Variants in MYT1 observed in about 807,000 individuals in gnomAD.
The protein encoded by MYT1 is myelin transcription factor I.
MYT1 carries 23 observed loss-of-function variants against 123.0 expected under a neutral mutation model. The ratio of observed to expected loss-of-function variants is 0.19; its 90% CI spans 0.13 to 0.26. MYT1 has a LOEUF of 0.26. Ranked by LOEUF, MYT1 falls within the 10% of genes least tolerant of loss-of-function variation. The probability of loss-of-function intolerance (pLI) is 1.00; values close to 1 mark genes in which losing one functional copy is unlikely to be tolerated. For synonymous variants in MYT1, 518 were observed against 575.3 expected (o/e 0.90, Z 1.43); for missense variants, 1,125 against 1,472.5 (o/e 0.76, Z 3.86).
chr20:64,170,898 G>GAGAC (rs1982251577), intron 1 of MYT1, among the ~76,000 whole-genome samples: 6 of 98,244 alleles, frequency 6.1e-5, no homozygotes, highest in Non-Finnish European at 1.2e-4. Flanking sequence ...GAGAGAGAGA[G>GAGAC]AGAGAGAGAG....
intron 1 of MYT1, among the ~76,000 whole-genome samples, chr20:64,180,642 A>G (rs1434580888): frequency 6.6e-6 from 1 of 152,252 alleles, no homozygotes; most frequent in East Asian, 1.9e-4. Context: ...TGGGGTTCAC[A>G]GGGTGTGGGC....
In MYT1 at chr20:64,202,599, G is replaced by GAGGGAAGGC. The variant is rs200633123; in HGVS notation, c.87-2424_87-2416dup. Among the ~76,000 whole-genome samples, 1,105 of 152,252 alleles carry GAGGGAAGGC rather than the reference G, an allele frequency of 7.3e-3. 10 individuals are homozygous for GAGGGAAGGC. The highest frequency in any genetic ancestry group is 0.025 in the African/African-American group (1,039 of 41,538). On this transcript the variant is annotated intron_variant, in intron 4 of 22. Coordinates refer to ENST00000328439, the MANE Select transcript of MYT1 (RefSeq NM_004535.3). This position sits in a 1 kb window ranked among gnomAD's most constrained non-coding sequence, Gnocchi z 5.0. The stretch of plus-strand genomic sequence containing the variant: ...ACCCAGATGACTGCCCCAGGAGAGG[G>GAGGGAAGGC]AGGGAAGGCAGGGAAGGCAGTGTCT...
rs1405793351 is a variant in MYT1, at chr20:64,202,238, C to G, written c.86+2316C>G. The stretch of plus-strand genomic sequence containing the variant: ...AGCTGAGGAGAGGTTGGACTTGGAT[C>G]GAGCAGGACCCTGAGCTGCTATTTC... On this transcript the variant is annotated intron_variant, in intron 4 of 22. Coordinates refer to ENST00000328439, the MANE Select transcript of MYT1 (RefSeq NM_004535.3). This position sits in a 1 kb window ranked among gnomAD's most constrained non-coding sequence, Gnocchi z 5.0. Among the ~76,000 whole-genome samples the G allele has an allele frequency of 1.3e-5, 2 of 152,198 alleles. No individual in the cohort carries two copies. Among genetic ancestry groups the G allele is most frequent in the South Asian group, 2.1e-4 (1 of 4,830 alleles).
In MYT1 at chr20:64,166,766, T is replaced by C. The variant is rs1982095447; in HGVS notation, c.-99+2027T>C. Reference sequence around the variant, plus strand: ...TCTCTGAGATGACCCCTTCTAGCCATGTGGGATGCAAAGTTGCTCTGGTCT... The same window carrying C: ...TCTCTGAGATGACCCCTTCTAGCCACGTGGGATGCAAAGTTGCTCTGGTCT... On this transcript the variant is annotated intron_variant, in intron 1 of 22. Coordinates refer to ENST00000328439, the MANE Select transcript of MYT1 (RefSeq NM_004535.3). The surrounding 1 kb of genome is among the most constrained non-coding windows in gnomAD (Gnocchi z 4.9). Among the ~76,000 whole-genome samples the C allele has an allele frequency of 6.6e-6, 1 of 152,136 alleles. No individual in the cohort carries two copies. Among genetic ancestry groups the C allele is most frequent in the South Asian group, 2.1e-4 (1 of 4,820 alleles).
intron 19 of MYT1, among the ~76,000 whole-genome samples, chr20:64,235,968 T>G (rs577299069): frequency 3.6e-4 from 49 of 137,202 alleles, no homozygotes; most frequent in African/African-American, 1.2e-3. Flanking sequence ...TGGGTGACCC[T>G]GGGATGGCCG....
chr20:64,232,381 C>T lies in MYT1; in HGVS notation c.2893C>T (p.Arg965Trp), dbSNP rs760641300. 1.9e-6 allele frequency: 3 copies of T among 1,612,752 alleles called. No individual in the cohort carries two copies. Among genetic ancestry groups the T allele is most frequent in the Non-Finnish European group, 1.7e-6 (2 of 1,179,888 alleles). Residue 965 changes from arginine to tryptophan, a missense_variant, in exon 19 of 23, where the codon CGG (arginine) becomes TGG (tryptophan). Physicochemically the swap from Arg to Trp is moderately radical, Grantham distance 101 (BLOSUM62 -3). This residue lies in a region of MYT1 where 243 missense variants were observed against 323.1 expected (regional missense o/e 0.75). Transcript: ENST00000328439. This position sits in a 1 kb window ranked among gnomAD's most constrained non-coding sequence, Gnocchi z 6.9. Reference protein sequence around the residue: ...GHANGSFLTHRSLSGCPRATF... With the variant: ...GHANGSFLTHWSLSGCPRATF... Reference sequence around the variant, plus strand: ...CGCCAATGGGAGTTTCCTCACCCACCGGAGGTAACTGTGCCTGCAGGTCCT... The same window carrying T: ...CGCCAATGGGAGTTTCCTCACCCACTGGAGGTAACTGTGCCTGCAGGTCCT...
At chr20:64,187,045 G>T (rs1445324826) in intron 1 of MYT1, among the ~76,000 whole-genome samples, 1 of 147,516 alleles carries the variant, frequency 6.8e-6, no homozygotes. Flanking sequence ...CGTGGCCCCG[G>T]CATCCACGTT....
At chr20:64,214,926 T>C (rs3003142) in intron 10 of MYT1, among the ~76,000 whole-genome samples, 94,279 of 152,002 alleles carry the variant, frequency 0.62, 31,307 homozygotes, top group African/African-American at 0.84. Flanking sequence ...TGCTCCAGAG[T>C]GTTCCTCTGA....
intron 8 of MYT1, among the ~76,000 whole-genome samples, chr20:64,211,843 C>T (rs1359076415): frequency 1.3e-5 from 2 of 151,996 alleles, no homozygotes; most frequent in Admixed American, 6.5e-5. Flanking sequence ...GGGGGCATGC[C>T]CTGACCAGGC....
At chr20:64,179,231 G>A (rs1010797870) in intron 1 of MYT1, among the ~76,000 whole-genome samples, 19 of 136,988 alleles carry the variant, frequency 1.4e-4, no homozygotes, top group South Asian at 4.9e-4. Context: ...TCGGTGGGAT[G>A]CCCTTCAACG....
chr20:64,198,871 G>A lies in MYT1; in HGVS notation c.10G>A (p.Glu4Lys). MSL[E>K]NEDKRARTRS... is the part of the protein sequence containing the mutation. ...GGTTTTTTGCTTGCAGATGAGCTTA[G>A]AAAATGAAGACAAGCGAGCTCGCAC... The change falls in exon 3 of 23, where the codon GAA (glutamate) becomes AAA (lysine). Residue 4 changes from glutamate (E) to lysine (K), a missense_variant. Glu to Lys is a moderately conservative substitution (Grantham distance 56). Coordinates refer to ENST00000328439, the MANE Select transcript of MYT1 (RefSeq NM_004535.3). 1 of 1,614,176 alleles carries A rather than the reference G, an allele frequency of 6.2e-7. No homozygotes were observed. The highest frequency in any genetic ancestry group is 8.5e-7 in the Non-Finnish European group (1 of 1,180,026).
chr20:64,195,364 GT>G, intron 2 of MYT1, among the ~76,000 whole-genome samples: 1 of 94,026 alleles, frequency 1.1e-5, no homozygotes, highest in Non-Finnish European at 2.1e-5. Flanking sequence ...CTGTGTGTGT[GT>G]GTGTGTGTGT....
intron 7 of MYT1, among the ~76,000 whole-genome samples, chr20:64,209,197 G>T (rs1318045053): frequency 1.3e-5 from 2 of 152,080 alleles, no homozygotes; most frequent in Non-Finnish European, 2.9e-5. Context: ...GACGAATCCT[G>T]AGTAAACGGT....
In MYT1 at chr20:64,211,334, C is replaced by T; in HGVS notation, c.1420C>T (p.Pro474Ser). 3 of 1,612,856 alleles carry T rather than the reference C, an allele frequency of 1.9e-6. No homozygotes were observed. The highest frequency in any genetic ancestry group is 2.5e-6 in the Non-Finnish European group (3 of 1,179,122). ...SGCPHKDRIP[P>S]EILAMHENVL... ...CTGTCCCCACAAGGATAGGATCCCCCCAGAGAGTGAGTAGCTCTGTGCAGC... is the reference window on the plus strand; with the variant it reads ...CTGTCCCCACAAGGATAGGATCCCCTCAGAGAGTGAGTAGCTCTGTGCAGC... Residue 474 changes from proline to serine, a missense_variant, in exon 8 of 23, where the codon CCA becomes TCA. Coordinates refer to ENST00000328439, the MANE Select transcript of MYT1 (RefSeq NM_004535.3).
Position 64,188,232 on chromosome 20 carries a change from T to G in MYT1, c.-98-1831T>G, listed in dbSNP as rs376880879. ...GCAGTTCATGTCCACATGACTTCTCTGAGAAGCAGGAGAGACTCAGCGCAG... is the reference window on the plus strand; with the variant it reads ...GCAGTTCATGTCCACATGACTTCTCGGAGAAGCAGGAGAGACTCAGCGCAG... On this transcript the variant is annotated intron_variant, in intron 1 of 22. Coordinates refer to ENST00000328439, the MANE Select transcript of MYT1 (RefSeq NM_004535.3). Among the ~76,000 whole-genome samples, 20 of 152,302 alleles carry G rather than the reference T, an allele frequency of 1.3e-4. No homozygotes were observed. The East Asian group carries it at 2.1e-3, about 16-fold the overall frequency.
chr20:64,205,872 G>A lies in MYT1; in HGVS notation c.397+72G>A, dbSNP rs536366715. On this transcript the variant is annotated intron_variant, in intron 6 of 22. Transcript: ENST00000328439. ...CCCTGGAGAATTGCAGCCTGTGAGC[G>A]GGGAGGGGCTCACTCCGGGCAAGAG... 8.1e-4 allele frequency: 1,280 copies of A among 1,571,208 alleles called. 1 individual carries two copies. The highest frequency in any genetic ancestry group is 9.8e-4 in the Non-Finnish European group (1,132 of 1,158,302).
chr20:64,197,495 C>G (rs1450585782), intron 2 of MYT1, among the ~76,000 whole-genome samples: 1 of 152,210 alleles, frequency 6.6e-6, no homozygotes, highest in African/African-American at 2.4e-5. Flanking sequence ...GCATAGAGCC[C>G]TGGCAGCTCT....
At chr20:64,215,380 T>TA (rs1311816665) in intron 10 of MYT1, among the ~76,000 whole-genome samples, 2 of 152,170 alleles carry the variant, frequency 1.3e-5, no homozygotes, top group Non-Finnish European at 2.9e-5. Flanking sequence ...CACTGAACGC[T>TA]AGAGAGATTG....
At chr20:64,235,681 GGGCTGGTGGTGGTGGGTGACCCTT>G (rs1984501015) in intron 19 of MYT1, among the ~76,000 whole-genome samples, 1 of 142,138 alleles carries the variant, frequency 7.0e-6, no homozygotes, top group Admixed American at 6.8e-5. Flanking sequence ...GGGTGACACT[GGGCTGGTGGTGGTGGGTGACCCTT>G]GGCTGGCCGT....
Sources: gnomAD v4.1 joint callset for allele counts (sites outside exome capture counted in the v4.1 genomes callset) on GRCh38, gnomAD v4.1.1 for gene constraint, gnomAD v4.1.1 regional missense constraint, Gnocchi (gnomAD v3.1) non-coding constraint, MANE v1.5 for transcripts, NCBI Gene and HGNC (gene_info 2026-07-23, HGNC 2026-07-21) for gene names.